Variants in HIVEP1 observed in about 807,000 individuals in gnomAD.
HIVEP1 encodes the protein zinc finger protein 40.
HIVEP1 carries 36 observed loss-of-function variants against 180.0 expected under a neutral mutation model. That is an observed-to-expected ratio of 0.20 (90% CI 0.15 to 0.26). HIVEP1 has a LOEUF of 0.26. Ranked by LOEUF, HIVEP1 falls within the 10% of genes least tolerant of loss-of-function variation. The pLI is 1.00. For synonymous variants in HIVEP1, 1,239 were observed against 1,239.0 expected, an observed-to-expected ratio of 1.00 and a Z score of 0.00; for missense variants, 3,143 against 3,268.7, an observed-to-expected ratio of 0.96 and a Z score of 0.94.
rs1315643316 is a variant in HIVEP1, at chr6:12,100,094, G to C, written c.94+10857G>C. On this transcript the variant is annotated intron_variant, in intron 3 of 8. Coordinates refer to ENST00000379388, the MANE Select transcript of HIVEP1 (RefSeq NM_002114.4). The stretch of plus-strand genomic sequence containing the variant: ...TGGTGGGAGGTTGTGATAGTGTGAA[G>C]AACTGAGGATTCCAGATTTCTGGTG... Among the ~76,000 whole-genome samples, 25 of 152,188 alleles carry C rather than the reference G, an allele frequency of 1.6e-4. 1 individual carries two copies. The highest frequency in any genetic ancestry group is 1.6e-3 in the Admixed American group (25 of 15,280).
In HIVEP1 at chr6:12,123,277, C is replaced by A; in HGVS notation, c.3482C>A (p.Ser1161Tyr). The change falls in exon 4 of 9, where the codon TCT becomes TAT. Residue 1161 changes from serine to tyrosine, a missense_variant. By Grantham distance (144) the Ser-to-Tyr change is moderately radical (BLOSUM62 -2). Transcript: ENST00000379388. ...CCTTTTGAAAGAGCCTCCCCAGTTT[C>A]TTTCCAGGAGCTGAATAGAACGGGG... The part of the protein sequence containing the change: ...PEPFERASPV[S>Y]FQELNRTGKS... 6.2e-7 allele frequency: 1 copy of A among 1,614,190 alleles called. No homozygotes were observed. Among genetic ancestry groups the A allele is most frequent in the South Asian group, 1.1e-5 (1 of 91,076 alleles).
chr6:12,105,371 T>G (rs1037379856), intron 3 of HIVEP1, among the ~76,000 whole-genome samples: 2 of 152,218 alleles, frequency 1.3e-5, no homozygotes, highest in African/African-American at 2.4e-5. Context: ...GCCTTTTAGC[T>G]GCTCTTTTGA....
the HIVEP1 span, among the ~76,000 whole-genome samples, chr6:12,185,802 G>A: frequency 2.0e-5 from 3 of 152,284 alleles, no homozygotes; most frequent in East Asian, 1.9e-4. Context: ...CCAAGTGTTG[G>A]CAAGGATGTG....
At chr6:12,012,587 C>T (rs1440072091) in intron 1 of HIVEP1, 21 bp downstream of exon 1, 1 of 63,044 alleles carries the variant, frequency 1.6e-5, no homozygotes, top group Non-Finnish European at 3.0e-5. Flanking sequence ...GGCTCCGCGG[C>T]GGGGGCGCTG....
intron 2 of HIVEP1, among the ~76,000 whole-genome samples, chr6:12,067,071 A>T (rs1318589754): frequency 6.6e-6 from 1 of 152,150 alleles, no homozygotes; most frequent in Non-Finnish European, 1.5e-5. Flanking sequence ...TTTTCTAAGT[A>T]TTAGTCTTTG....
intron 2 of HIVEP1, among the ~76,000 whole-genome samples, chr6:12,045,661 A>G (rs1054127630): frequency 6.6e-6 from 1 of 152,206 alleles, no homozygotes; most frequent in African/African-American, 2.4e-5. Flanking sequence ...GAGGTGATTG[A>G]TTGTAACCCA....
chr6:12,017,922 C>T (rs542948452), intron 2 of HIVEP1, among the ~76,000 whole-genome samples: 1 of 152,348 alleles, frequency 6.6e-6, no homozygotes, highest in African/African-American at 2.4e-5. Flanking sequence ...CTTGTGCCTG[C>T]ACTACTCAGC....
At chr6:12,116,183 A>G (rs1462629430) in intron 3 of HIVEP1, among the ~76,000 whole-genome samples, 2 of 152,090 alleles carry the variant, frequency 1.3e-5, no homozygotes, top group Admixed American at 1.3e-4. Context: ...AAATAACTCC[A>G]GTCACTCTTT....
At chr6:12,093,118 C>T (rs116045832) in intron 3 of HIVEP1, among the ~76,000 whole-genome samples, 1,840 of 152,150 alleles carry the variant, frequency 0.012, 46 homozygotes, top group African/African-American at 0.042. Flanking sequence ...GGTCATAACT[C>T]GAGGTAAGGA....
At chr6:12,203,853 G>C in the HIVEP1 span, among the ~76,000 whole-genome samples, 1 of 152,144 alleles carries the variant, frequency 6.6e-6, no homozygotes, top group Admixed American at 6.5e-5. Flanking sequence ...AAGGCAAGTG[G>C]ATCACCTGAG....
chr6:12,197,507 C>T, the HIVEP1 span, among the ~76,000 whole-genome samples: 4 of 141,958 alleles, frequency 2.8e-5, no homozygotes, highest in Middle Eastern at 3.8e-3. Flanking sequence ...GAGCCGAGGT[C>T]GAGCCACTGC....
chr6:12,010,941 C>G (rs981110003), upstream of HIVEP1, among the ~76,000 whole-genome samples: 6 of 152,114 alleles, frequency 3.9e-5, no homozygotes, highest in African/African-American at 1.4e-4. Context: ...CCCCCCTTTT[C>G]TGTCCCCGAA....
At chr6:12,194,964 A>G in the HIVEP1 span, among the ~76,000 whole-genome samples, 51 of 152,346 alleles carry the variant, frequency 3.3e-4, no homozygotes, top group African/African-American at 1.2e-3. Flanking sequence ...ATTAATATAA[A>G]GAAAATCAAA....
chr6:12,040,074 AGTT>A (rs1769572460), intron 2 of HIVEP1, among the ~76,000 whole-genome samples: 2 of 152,198 alleles, frequency 1.3e-5, no homozygotes, highest in African/African-American at 4.8e-5. Context: ...TGGGCTCAGC[AGTT>A]GTTGGAACTG....
intron 7 of HIVEP1, among the ~76,000 whole-genome samples, chr6:12,159,516 TCTC>T (rs1227742152): frequency 2.6e-5 from 4 of 152,154 alleles, no homozygotes; most frequent in Non-Finnish European, 4.4e-5. Context: ...CCCAGGGCCT[TCTC>T]CTCAGCCAGG....
At chr6:12,202,610 CT>C in the HIVEP1 span, among the ~76,000 whole-genome samples, 1 of 152,098 alleles carries the variant, frequency 6.6e-6, no homozygotes, top group African/African-American at 2.4e-5. Flanking sequence ...TTCCTTTTCT[CT>C]TTTTTTCCAG....
chr6:12,043,082 A>G (rs1392665221), intron 2 of HIVEP1, among the ~76,000 whole-genome samples: 1 of 152,124 alleles, frequency 6.6e-6, no homozygotes, highest in African/African-American at 2.4e-5. Flanking sequence ...CTGATCCACT[A>G]ATTTATTTGT....
chr6:12,062,228 TAA>T, intron 2 of HIVEP1, among the ~76,000 whole-genome samples: 1 of 152,296 alleles, frequency 6.6e-6, no homozygotes, highest in East Asian at 1.9e-4. Context: ...ATTATTACAT[TAA>T]GTTAAAATAT....
At chr6:12,012,134 C>A (rs1183485160), upstream of HIVEP1, 1 of 145,540 alleles carries the variant, frequency 6.9e-6, no homozygotes, top group Non-Finnish European at 1.5e-5. Context: ...GGCGCGCGCC[C>A]CCCAGCCCGG....
Sources: gnomAD v4.1 joint callset for allele counts (sites outside exome capture counted in the v4.1 genomes callset) on GRCh38, gnomAD v4.1.1 for gene constraint, MANE v1.5 for transcripts, NCBI Gene and HGNC (gene_info 2026-07-23, HGNC 2026-07-21) for gene names.